Variants in ANXA2 observed in about 807,000 individuals in gnomAD.
ANXA2 encodes the protein annexin II.
Under a neutral mutation model 47.3 loss-of-function variants are expected in ANXA2, and 28 were observed. That is an observed-to-expected ratio of 0.59 (90% CI 0.44 to 0.81). The LOEUF is 0.81. ANXA2 is among the 40% of genes least tolerant of loss of function. The pLI, the probability that ANXA2 is intolerant of heterozygous loss-of-function variation, is 0.00. For synonymous variants in ANXA2, 172 were observed against 155.5 expected, an observed-to-expected ratio of 1.11 and a Z score of -0.79; for missense variants, 384 against 414.3, an observed-to-expected ratio of 0.93 and a Z score of 0.64.
intron 1 of ANXA2, among the ~76,000 whole-genome samples, chr15:60,392,528 G>C (rs1201255399): frequency 1.3e-5 from 2 of 149,860 alleles, no homozygotes; most frequent in African/African-American, 4.9e-5. Flanking sequence ...AAGAGTAAAA[G>C]TTTACAAAAA....
chr15:60,367,152 C>G (rs1395716366), intron 3 of ANXA2, among the ~76,000 whole-genome samples: 1 of 79,538 alleles, frequency 1.3e-5, no homozygotes, highest in Non-Finnish European at 2.6e-5. Context: ...CCAGCCGCCC[C>G]GTCCGGGAGG....
At chr15:60,356,148 A>G in intron 6 of ANXA2, 150 bp from the exon 7 acceptor site, 1 of 626,082 alleles carries the variant, frequency 1.6e-6, no homozygotes, top group Non-Finnish European at 2.8e-6. Context: ...CAGAGGAAGG[A>G]TTCACTAGAA....
intron 3 of ANXA2, among the ~76,000 whole-genome samples, chr15:60,372,654 G>A (rs900889206): frequency 5.3e-5 from 8 of 151,224 alleles, no homozygotes; most frequent in African/African-American, 1.5e-4. Context: ...CTACCCTATA[G>A]GACATTAATG....
chr15:60,369,090 T>G (rs753609201), intron 3 of ANXA2, among the ~76,000 whole-genome samples: 1 of 152,236 alleles, frequency 6.6e-6, no homozygotes, highest in Non-Finnish European at 1.5e-5. Flanking sequence ...AGCTTCTATA[T>G]CTGCACAAGA....
At chr15:60,348,105 G>A (rs1338854146) in intron 12 of ANXA2, among the ~76,000 whole-genome samples, 1 of 152,190 alleles carries the variant, frequency 6.6e-6, no homozygotes, top group Non-Finnish European at 1.5e-5. Flanking sequence ...AGGTCAAGTG[G>A]AAATAAGCTG....
At position 60,351,261 on chromosome 15, in the gene ANXA2, GAAGA is replaced by G. The variant is rs760931221; in HGVS notation, c.779-14_779-11del. The G allele has an allele frequency of 1.2e-6, 2 of 1,614,140 alleles. No homozygotes were observed. Among genetic ancestry groups the G allele is most frequent in the South Asian group, 1.1e-5 (1 of 91,084 alleles). On this transcript the variant is annotated splice_polypyrimidine_tract_variant and intron_variant, in intron 10 of 12. Transcript: ENST00000451270. ...TTCTGAATGCACTGAACTGTGGAGA[GAAGA>G]AAGGGAGTCAGCGCTGCAGCTGCTC...
chr15:60,396,279 C>T (rs1399101895), intron 1 of ANXA2: 2 of 152,100 alleles, frequency 1.3e-5, no homozygotes, highest in East Asian at 1.9e-4. Flanking sequence ...GGACCACCAA[C>T]CATTCCTAAC....
At chr15:60,348,745 C>CA (rs35692360) in intron 12 of ANXA2, among the ~76,000 whole-genome samples, 57,142 of 119,468 alleles carry the variant, frequency 0.48, 12,336 homozygotes, top group Admixed American at 0.59. Context: ...GACTCCGTCT[C>CA]AAAAAAAAAA....
intron 3 of ANXA2, 123 bp from the exon 4 acceptor site, chr15:60,364,646 C>G (rs2062567880): frequency 1.6e-6 from 1 of 644,602 alleles, no homozygotes; most frequent in East Asian, 3.0e-5. Context: ...CTGAAATACC[C>G]AGACACCAAG....
intron 3 of ANXA2, among the ~76,000 whole-genome samples, chr15:60,379,018 C>A (rs538714807): frequency 6.6e-6 from 1 of 151,460 alleles, no homozygotes; most frequent in Admixed American, 6.6e-5. Flanking sequence ...CGGTGGCTCA[C>A]GGCTATAATC....
chr15:60,356,208 G>A (rs1362809486), intron 6 of ANXA2, among the ~76,000 whole-genome samples: 1 of 152,018 alleles, frequency 6.6e-6, no homozygotes, highest in Non-Finnish European at 1.5e-5. Context: ...CCATAACAGG[G>A]GGCAGCAGGG....
chr15:60,362,305 C>G (rs558805294), intron 4 of ANXA2, among the ~76,000 whole-genome samples: 2 of 152,244 alleles, frequency 1.3e-5, no homozygotes, highest in African/African-American at 4.8e-5. Context: ...TGGGCACCTA[C>G]TGACTTCTTC....
chr15:60,372,287 C>A (rs1333147361), intron 3 of ANXA2, among the ~76,000 whole-genome samples: 2 of 152,104 alleles, frequency 1.3e-5, no homozygotes, highest in Non-Finnish European at 2.9e-5. Context: ...CCCGGTTGTA[C>A]TAATGAGGAA....
intron 6 of ANXA2, among the ~76,000 whole-genome samples, chr15:60,356,904 C>T (rs1191607457): frequency 6.6e-6 from 1 of 152,208 alleles, no homozygotes; most frequent in African/African-American, 2.4e-5. Flanking sequence ...TCTCCTTTCC[C>T]TCCTGTCTAC....
chr15:60,361,134 T>C (rs186832506), intron 4 of ANXA2, 80 bp from the exon 5 acceptor site: 4 of 978,388 alleles, frequency 4.1e-6, no homozygotes, highest in Middle Eastern at 2.1e-4. Context: ...AAGAGGGATC[T>C]TTTTGTGAAG....
At chr15:60,383,940 G>A (rs1379213563) in intron 2 of ANXA2, 1 of 152,224 alleles carries the variant, frequency 6.6e-6, no homozygotes, top group African/African-American at 2.4e-5. Flanking sequence ...GGAGAGGCCA[G>A]AAATCTAAGT....
At chr15:60,355,794 C>G (rs1034668062) in intron 7 of ANXA2, 125 bp downstream of exon 7, 2 of 865,430 alleles carry the variant, frequency 2.3e-6, no homozygotes, top group African/African-American at 1.7e-5. Context: ...AACCCACTTT[C>G]AAAAATGCAG....
At chr15:60,378,225 G>T (rs1451722554) in intron 3 of ANXA2, among the ~76,000 whole-genome samples, 1 of 152,196 alleles carries the variant, frequency 6.6e-6, no homozygotes, top group Non-Finnish European at 1.5e-5. Context: ...GGAAGTTACT[G>T]TGGTGATGAC....
intron 4 of ANXA2, chr15:60,363,096 G>A (rs2062543009): frequency 7.2e-6 from 1 of 138,818 alleles, no homozygotes; most frequent in Non-Finnish European, 1.5e-5. Context: ...ACACCCAAAT[G>A]TATTCCAAGA....
Sources: allele counts gnomAD v4.1 joint callset (sites outside exome capture counted in the v4.1 genomes callset), GRCh38; gene constraint gnomAD v4.1.1; transcripts MANE v1.5; gene names NCBI Gene and HGNC (gene_info 2026-07-23, HGNC 2026-07-21).